Variants in MRC2 observed in about 807,000 individuals in gnomAD.
MRC2 encodes mannose receptor C-type 2.
In MRC2, 84 loss-of-function variants were observed where a neutral mutation model predicts 206.2. The ratio of observed to expected loss-of-function variants is 0.41; its 90% CI spans 0.34 to 0.49. The LOEUF is 0.49. Ranked by LOEUF, MRC2 falls within the 20% of genes least tolerant of loss-of-function variation. The pLI, the probability that MRC2 is intolerant of heterozygous loss-of-function variation, is 0.31. For synonymous variants in MRC2, 798 were observed against 800.0 expected, an observed-to-expected ratio of 1.00 and a Z score of 0.04; for missense variants, 1,676 against 2,001.5, an observed-to-expected ratio of 0.84 and a Z score of 3.10.
intron 1 of MRC2, among the ~76,000 whole-genome samples, chr17:62,649,256 T>G (rs1474838073): frequency 1.3e-5 from 2 of 152,204 alleles, no homozygotes; most frequent in African/African-American, 4.8e-5. Context: ...AGGGAGATCT[T>G]GAAGGTTCCC....
chr17:62,658,169 G>A (rs980107739), intron 1 of MRC2, among the ~76,000 whole-genome samples: 2 of 152,174 alleles, frequency 1.3e-5, no homozygotes, highest in Non-Finnish European at 2.9e-5. Flanking sequence ...GGAGTCTCTC[G>A]GCCCTTGGGA....
intron 1 of MRC2, among the ~76,000 whole-genome samples, chr17:62,658,995 G>T (rs1340213939): frequency 1.3e-5 from 2 of 152,194 alleles, no homozygotes; most frequent in Non-Finnish European, 2.9e-5. Flanking sequence ...GTAAACAATA[G>T]AAATGTATTT....
chr17:62,628,769 C>T (rs1193564541), intron 1 of MRC2, among the ~76,000 whole-genome samples: 1 of 152,122 alleles, frequency 6.6e-6, no homozygotes, highest in African/African-American at 2.4e-5. Context: ...AGACAGATCC[C>T]TCGCCAAGAA....
chr17:62,647,690 T>C (rs771462002), intron 1 of MRC2, among the ~76,000 whole-genome samples: 3 of 152,240 alleles, frequency 2.0e-5, no homozygotes, highest in Non-Finnish European at 4.4e-5. Context: ...TATACATTCT[T>C]AGTTCTTTCC....
chr17:62,641,247 T>C (rs1598968083), intron 1 of MRC2, among the ~76,000 whole-genome samples: 1 of 139,206 alleles, frequency 7.2e-6, no homozygotes, highest in African/African-American at 2.7e-5. Context: ...ATCCGGAAGG[T>C]GGAGGTTGCA....
At chr17:62,689,290 C>G in intron 23 of MRC2, 1 of 578,696 alleles carries the variant, frequency 1.7e-6, no homozygotes, top group Non-Finnish European at 3.1e-6. Context: ...GCCTCTGCGC[C>G]GGGTTCCTTG....
At chr17:62,668,767 G>A (rs2088789411) in intron 6 of MRC2, among the ~76,000 whole-genome samples, 1 of 152,178 alleles carries the variant, frequency 6.6e-6, no homozygotes, top group Non-Finnish European at 1.5e-5. Flanking sequence ...TCTCGTTTGT[G>A]ATCATAGAGA....
In MRC2 at chr17:62,690,035, C is replaced by T; in HGVS notation, c.3715C>T (p.Gln1239Ter). The T allele has an allele frequency of 6.2e-7, 1 of 1,607,570 alleles. No individual in the cohort carries two copies. The change falls in exon 25 of 30, where the codon CAG becomes TAG. Residue 1239 changes from glutamine (Q) to a stop codon, truncating the protein, a stop_gained. Transcript: ENST00000303375. LOFTEE classifies it high-confidence loss of function. Reference protein sequence around the residue: ...WRTTSCDTKLQGAVCGVSSGP... With the variant: ...WRTTSCDTKL ...CACCACCAGCTGTGACACCAAGCTGCAGGGGGCTGTGTGTGGGGTTAGCAG... is the reference window on the plus strand; with the variant it reads ...CACCACCAGCTGTGACACCAAGCTGTAGGGGGCTGTGTGTGGGGTTAGCAG...
In MRC2 at chr17:62,690,214, C is replaced by G. The variant is rs145399547; in HGVS notation, c.3801C>G (p.Asp1267Glu). The change falls in exon 26 of 30, where the codon GAC (aspartate) becomes GAG (glutamate). Residue 1267 changes from aspartate (D) to glutamate (E), a missense_variant. Asp to Glu is a conservative substitution (Grantham distance 45, BLOSUM62 2). Coordinates refer to ENST00000303375, the MANE Select transcript of MRC2 (RefSeq NM_006039.5). ...YHGSCPQGLA[D>E]SAWIPFREHC... ...GCAGCTGTCCCCAGGGACTGGCAGA[C>G]TCCGCGTGGATTCCCTTCCGGGAGC... 1.2e-6 allele frequency: 2 copies of G among 1,613,014 alleles called. No homozygotes were observed. The highest frequency in any genetic ancestry group is 1.7e-6 in the Non-Finnish European group (2 of 1,179,436).
intron 11 of MRC2, 116 bp downstream of exon 11, chr17:62,676,647 TG>T (rs1598990472): frequency 1.5e-6 from 2 of 1,305,916 alleles, no homozygotes; most frequent in East Asian, 5.0e-5. Context: ...TGCACTGTGG[TG>T]TAGTGTCTAT....
intron 1 of MRC2, among the ~76,000 whole-genome samples, chr17:62,653,341 G>C (rs534929031): frequency 6.6e-6 from 1 of 152,238 alleles, no homozygotes; most frequent in South Asian, 2.1e-4. Context: ...GGCGGGGCTA[G>C]CTTCCACTCA....
chr17:62,678,055 TA>T (rs1340186669), intron 12 of MRC2, among the ~76,000 whole-genome samples: 1 of 151,956 alleles, frequency 6.6e-6, no homozygotes, highest in African/African-American at 2.4e-5. Context: ...GTCTCAAAAA[TA>T]AATAAATAAA....
At chr17:62,686,312 G>A (rs1224830822) in intron 20 of MRC2, among the ~76,000 whole-genome samples, 9 of 152,150 alleles carry the variant, frequency 5.9e-5, no homozygotes, top group Admixed American at 4.6e-4. Context: ...AATTAGCCAG[G>A]TGTGGTGGTG....
In MRC2 at chr17:62,652,881, T is replaced by G. The variant is rs2088573377; in HGVS notation, c.119-11667T>G. 7.4e-6 allele frequency among the ~76,000 whole-genome samples: 1 copy of G among 135,088 alleles called. No homozygotes were observed. Among genetic ancestry groups the G allele is most frequent in the Non-Finnish European group, 1.6e-5 (1 of 63,052 alleles). The allele number at this position is 135,088 out of a possible 152,430, so 88.6% of individuals were successfully genotyped here. ...CGAACGGTGGCTTGGGGAGGGGCGC[T>G]CCTTGGAGTTGGGGGCGCACGATGG... On this transcript the variant is annotated intron_variant, in intron 1 of 29. Coordinates refer to ENST00000303375, the MANE Select transcript of MRC2 (RefSeq NM_006039.5). The surrounding 1 kb of genome is among the most constrained non-coding windows in gnomAD (Gnocchi z 4.6).
In MRC2 at chr17:62,680,403, T is replaced by C. The variant is rs780115459; in HGVS notation, c.2438-15T>C. The C allele has an allele frequency of 4.3e-6, 7 of 1,614,060 alleles. No homozygotes were observed. The highest frequency in any genetic ancestry group is 5.1e-6 in the Non-Finnish European group (6 of 1,179,980). On this transcript the variant is annotated splice_polypyrimidine_tract_variant and intron_variant, in intron 15 of 29. Transcript: ENST00000303375. The surrounding 1 kb of genome is among the most constrained non-coding windows in gnomAD (Gnocchi z 4.8). ...GTCTCCTTTCCTCACAACGTCTTTG[T>C]CCTTGTTCCCCTAGGTACGGACGTG...
At chr17:62,660,290 C>T (rs2088665373) in intron 1 of MRC2, among the ~76,000 whole-genome samples, 1 of 152,072 alleles carries the variant, frequency 6.6e-6, no homozygotes, top group African/African-American at 2.4e-5. Flanking sequence ...GAGCTTGGGG[C>T]CACTAGAAAG....
Position 62,681,048 on chromosome 17 carries a change from C to T in MRC2, c.2635-14C>T, listed in dbSNP as rs756252360. On this transcript the variant is annotated splice_polypyrimidine_tract_variant and intron_variant, in intron 17 of 29. Transcript: ENST00000303375. ...GGGGCTGCCTACCCACACCTGCCCG[C>T]CTGGCTTCTCCAGTTCTCCCGGGCC... is the stretch of plus-strand genomic sequence containing the variant. 10 of 1,613,278 alleles carry T rather than the reference C, an allele frequency of 6.2e-6. No homozygotes were observed. The highest frequency in any genetic ancestry group is 8.5e-6 in the Non-Finnish European group (10 of 1,179,958).
chr17:62,654,377 CTTGTCTCTGCTTGTGCCT>C (rs2088593251), intron 1 of MRC2, among the ~76,000 whole-genome samples: 1 of 151,900 alleles, frequency 6.6e-6, no homozygotes, highest in Non-Finnish European at 1.5e-5. Flanking sequence ...CTTCCTTGTC[CTTGTCTCTGCTTGTGCCT>C]TTCAGGGTTT....
intron 1 of MRC2, among the ~76,000 whole-genome samples, chr17:62,638,737 C>CA (rs59450498): frequency 1.9e-3 from 165 of 85,116 alleles, no homozygotes; most frequent in Middle Eastern, 6.7e-3. Context: ...AACCCTGTCT[C>CA]AAAAAAAAAA....
Sources: gnomAD v4.1 joint callset for allele counts (sites outside exome capture counted in the v4.1 genomes callset) on GRCh38, gnomAD v4.1.1 for gene constraint, Gnocchi (gnomAD v3.1) non-coding constraint, MANE v1.5 for transcripts, NCBI Gene and HGNC (gene_info 2026-07-23, HGNC 2026-07-21) for gene names.